LPCAT4: variants seen among roughly 807,000 people sequenced by gnomAD.
LPCAT4 encodes lysophospholipid acyltransferase LPCAT4.
LPCAT4 carries 30 observed loss-of-function variants against 66.5 expected under a neutral mutation model. That is an observed-to-expected ratio of 0.45 (90% confidence interval 0.34 to 0.61). The LOEUF (loss-of-function observed/expected upper bound fraction) is 0.61, where lower values mean the gene tolerates loss of function less well. LPCAT4 is among the 20% of genes least tolerant of loss of function. The pLI is 0.01. For missense variants in LPCAT4, 557 were observed against 656.7 expected (o/e 0.85, Z 1.66); for synonymous variants, 253 against 262.1 (o/e 0.97, Z 0.34).
At chr15:34,362,918 C>T in intron 7 of LPCAT4, 82 bp from the exon 8 acceptor site, 1 of 1,401,534 alleles carries the variant, frequency 7.1e-7, no homozygotes, top group Admixed American at 1.9e-5. Context: ...TCCCCTTCCC[C>T]AACCCAGGTG....
chr15:34,364,228 C>T lies in LPCAT4; in HGVS notation c.557G>A (p.Arg186Gln), dbSNP rs375275608. 8.1e-6 allele frequency: 13 copies of T among 1,613,986 alleles called. No homozygotes were observed. Among genetic ancestry groups the T allele is most frequent in the South Asian group, 1.1e-5 (1 of 91,082 alleles). ...ASRRRVVEEV[R>Q]RRATSGGKWP... The stretch of plus-strand genomic sequence containing the variant: ...CTTGCCTCCTGAGGTGGCCCGCCTT[C>T]GGACCTCCTCCACCACTCTGCGTCG... Residue 186 changes from arginine to glutamine, a missense_variant, in exon 4 of 14, where the codon CGA becomes CAA. Transcript: ENST00000314891.
chr15:34,359,265 A>G lies in LPCAT4; in HGVS notation c.1437T>C (p.Tyr479=), dbSNP rs1281683412. 12 of 1,554,114 alleles carry G rather than the reference A, an allele frequency of 7.7e-6. No individual in the cohort carries two copies. Among genetic ancestry groups the G allele is most frequent in the Non-Finnish European group, 8.7e-6 (10 of 1,148,676 alleles). Residue 479 remains tyrosine, a synonymous_variant, in exon 14 of 14, where the codon TAT becomes TAC. Coordinates refer to ENST00000314891, the MANE Select transcript of LPCAT4 (RefSeq NM_153613.3). ...FQNFSLHDPL[Y]GKLFSTYLRP... ...GCAGGTAGGTGCTGAAGAGTTTCCCATAGAGTGGGTCATGGAGGGAGAAGT... is the reference window on the plus strand; with the variant it reads ...GCAGGTAGGTGCTGAAGAGTTTCCCGTAGAGTGGGTCATGGAGGGAGAAGT...
At position 34,362,602 on chromosome 15, in the gene LPCAT4, A is replaced by G. The variant is rs1890973356; in HGVS notation, c.855T>C (p.Tyr285=). 4 of 1,564,916 alleles carry G rather than the reference A, an allele frequency of 2.6e-6. No individual in the cohort carries two copies. Among genetic ancestry groups the G allele is most frequent in the South Asian group, 1.2e-5 (1 of 82,826 alleles). ...CCATGACCCTCTGAACATTGTTGGC[A>G]TAGAGGGTGGGGTCCCTGCTCTCCT... is the stretch of plus-strand genomic sequence containing the variant. The part of the protein sequence containing the change: ...SPEESRDPTL[Y]ANNVQRVMAQ... Residue 285 remains tyrosine (Y), a synonymous_variant, in exon 9 of 14, where the codon TAT becomes TAC. Coordinates refer to ENST00000314891, the MANE Select transcript of LPCAT4 (RefSeq NM_153613.3).
At position 34,366,975 on chromosome 15, in the gene LPCAT4, C is replaced by A. The variant is rs1367473585; in HGVS notation, c.114+12G>T. 1 of 1,553,780 alleles carries A rather than the reference C, an allele frequency of 6.4e-7. No individual in the cohort carries two copies. Among genetic ancestry groups the A allele is most frequent in the Admixed American group, 1.9e-5 (1 of 51,610 alleles). ...TCACGGGTCCTTCCGACGCCCGCTC[C>A]CCACACATTACCTTAACCCTCTGGA... On this transcript the variant is annotated intron_variant, in intron 1 of 13. Coordinates refer to ENST00000314891, the MANE Select transcript of LPCAT4 (RefSeq NM_153613.3).
chr15:34,362,543 G>C (rs931089539), intron 9 of LPCAT4, 30 bp downstream of exon 9: 12 of 1,526,254 alleles, frequency 7.9e-6, no homozygotes, highest in Non-Finnish European at 9.7e-6. Flanking sequence ...CTGTGCAACT[G>C]CTCCAGGAAA....
At chr15:34,365,446 C>G (rs567528486) in intron 2 of LPCAT4, 113 bp downstream of exon 2, 4 of 1,463,712 alleles carry the variant, frequency 2.7e-6, no homozygotes, top group Admixed American at 1.9e-5. Flanking sequence ...ATCTCATCTA[C>G]CCAAGCTAGA....
At position 34,365,694 on chromosome 15, in the gene LPCAT4, A is replaced by G; in HGVS notation, c.122T>C (p.Leu41Pro). Residue 41 changes from leucine to proline, a missense_variant, in exon 2 of 14, where the codon CTC becomes CCC. This residue lies in a region of LPCAT4 where 94 missense variants were observed against 71.5 expected (regional missense o/e 1.32). Transcript: ENST00000314891. ...LSRLQRVKFC[L>P]LGALLAPIRV... is the part of the protein sequence containing the mutation. ...GATGGGGGCCAGCAATGCCCCCAGGAGGCAGAACTGCAAAGGGTGGGAGAG... is the reference window on the plus strand; with the variant it reads ...GATGGGGGCCAGCAATGCCCCCAGGGGGCAGAACTGCAAAGGGTGGGAGAG... The G allele has an allele frequency of 6.2e-7, 1 of 1,613,808 alleles. No homozygotes were observed. The highest frequency in any genetic ancestry group is 8.5e-7 in the Non-Finnish European group (1 of 1,179,950).
chr15:34,364,412 T>TC (rs1595621423), intron 3 of LPCAT4, 106 bp from the exon 4 acceptor site: 3 of 65,618 alleles, frequency 4.6e-5, no homozygotes, highest in African/African-American at 1.2e-4. Flanking sequence ...CTGTTATCTC[T>TC]TTTTTTTTTT....
chr15:34,364,409 CTCT>C (rs1891021542), intron 3 of LPCAT4, 103 bp from the exon 4 acceptor site: 2 of 600,600 alleles, frequency 3.3e-6, no homozygotes. Context: ...TTTCTGTTAT[CTCT>C]TTTTTTTTTT....
intron 12 of LPCAT4, 153 bp downstream of exon 12, chr15:34,359,957 GC>G (rs1336898200): frequency 2.5e-6 from 2 of 801,548 alleles, no homozygotes; most frequent in Non-Finnish European, 4.0e-6. Context: ...CAACATAGAG[GC>G]CGGGGGTCTG....
At chr15:34,365,417 G>A in intron 2 of LPCAT4, 142 bp downstream of exon 2, 2 of 1,275,230 alleles carry the variant, frequency 1.6e-6, no homozygotes, top group Non-Finnish European at 2.2e-6. Context: ...TGGGAACCAC[G>A]TCTGAGCTTG....
chr15:34,364,589 AATT>A, intron 3 of LPCAT4: 1 of 105,584 alleles, frequency 9.5e-6, no homozygotes. Context: ...ACGCCCGGCT[AATT>A]TTTTTTTTTT....
chr15:34,363,938 G>T lies in LPCAT4; in HGVS notation c.652+75C>A. ...ATCCCTCCCCCTCTTCTACTTCTTG[G>T]GTTATTTCAGAGTCCCTCCCCAAAT... On this transcript the variant is annotated intron_variant, in intron 5 of 13. Transcript: ENST00000314891. The surrounding 1 kb of genome is among the most constrained non-coding windows in gnomAD (Gnocchi z 4.3). 1 of 1,488,086 alleles carries T rather than the reference G, an allele frequency of 6.7e-7. No individual in the cohort carries two copies. Among genetic ancestry groups the T allele is most frequent in the Non-Finnish European group, 9.3e-7 (1 of 1,071,392 alleles). 92.2% of individuals were successfully genotyped at this position (1,488,086 alleles called of 1,614,324 possible). A position where few individuals can be genotyped will look rare whatever the true frequency, so the allele number is the denominator to read the frequency against.
chr15:34,366,351 T>C (rs1891075615), intron 1 of LPCAT4, among the ~76,000 whole-genome samples: 1 of 152,234 alleles, frequency 6.6e-6, no homozygotes, highest in South Asian at 2.1e-4. Context: ...GGAGCCTGCC[T>C]CCGGGGAGGT....
chr15:34,365,346 A>G, intron 2 of LPCAT4, 118 bp from the exon 3 acceptor site: 1 of 1,233,256 alleles, frequency 8.1e-7, no homozygotes, highest in East Asian at 2.5e-5. Flanking sequence ...GATGTGACCA[A>G]GGGGCCAAGG....
chr15:34,362,694 A>C, intron 8 of LPCAT4, 39 bp from the exon 9 acceptor site: 2 of 1,606,638 alleles, frequency 1.2e-6, no homozygotes, highest in Non-Finnish European at 1.7e-6. Flanking sequence ...CAGAACCTCA[A>C]AGTGAGGTAT....
rs1595621092 is a variant in LPCAT4, at chr15:34,364,182, A to G, written c.591+12T>C. The G allele has an allele frequency of 1.9e-6, 3 of 1,603,396 alleles. No individual in the cohort carries two copies. Among genetic ancestry groups the G allele is most frequent in the South Asian group, 2.2e-5 (2 of 90,862 alleles). On this transcript the variant is annotated intron_variant, in intron 4 of 13. Transcript: ENST00000314891. ...TGGAAAGTGAGAAGATGGTCTTGAG[A>G]CCCTTACCCACCTGCGGCCACTTGC...
chr15:34,363,278 G>T lies in LPCAT4; in HGVS notation c.746+144C>A. 1.2e-6 allele frequency: 1 copy of T among 847,744 alleles called. No homozygotes were observed. The highest frequency in any genetic ancestry group is 1.9e-6 in the Non-Finnish European group (1 of 523,842). 52.5% of individuals were successfully genotyped at this position (847,744 alleles called of 1,614,324 possible). A position where few individuals can be genotyped will look rare whatever the true frequency, so the allele number is the denominator to read the frequency against. ...CAGCCAGATTATATGGGGACATCAGGGGGAAAGTGGTGTCTCCTCTAGAGT... is the reference window on the plus strand; with the variant it reads ...CAGCCAGATTATATGGGGACATCAGTGGGAAAGTGGTGTCTCCTCTAGAGT... On this transcript the variant is annotated intron_variant, in intron 7 of 13. Coordinates refer to ENST00000314891, the MANE Select transcript of LPCAT4 (RefSeq NM_153613.3). This position sits in a 1 kb window ranked among gnomAD's most constrained non-coding sequence, Gnocchi z 4.3.
intron 12 of LPCAT4, 79 bp from the exon 13 acceptor site, chr15:34,359,824 G>A (rs949983209): frequency 5.6e-5 from 80 of 1,435,546 alleles, no homozygotes; most frequent in Middle Eastern, 4.9e-4. Flanking sequence ...GGCCTGACAG[G>A]CTCCTCCTCT....
Sources: allele counts gnomAD v4.1 joint callset (sites outside exome capture counted in the v4.1 genomes callset), GRCh38; gene constraint gnomAD v4.1.1; regional missense constraint gnomAD v4.1.1; non-coding constraint Gnocchi (gnomAD v3.1); transcripts MANE v1.5; gene names NCBI Gene and HGNC (gene_info 2026-07-23, HGNC 2026-07-21).